AFF3: variants seen among roughly 807,000 people sequenced by gnomAD.
AFF3 encodes the protein ALF transcription elongation factor 3.
Under a neutral mutation model 129.7 loss-of-function variants are expected in AFF3, and 32 were observed. The observed-to-expected ratio is 0.25, with a 90% CI of 0.19 to 0.33. The LOEUF (loss-of-function observed/expected upper bound fraction) is 0.33. Among genes scored for constraint, AFF3 ranks in the 10% least tolerant of loss-of-function variants. The probability of loss-of-function intolerance (pLI) is 1.00; values close to 1 mark genes in which losing one functional copy is unlikely to be tolerated. For synonymous variants in AFF3, 644 were observed against 635.4 expected, an observed-to-expected ratio of 1.01 and a Z score of -0.20; for missense variants, 1,373 against 1,592.0, an observed-to-expected ratio of 0.86 and a Z score of 2.34.
intron 8 of AFF3, among the ~76,000 whole-genome samples, chr2:99,787,097 T>A (rs1684852142): frequency 1.3e-5 from 2 of 151,986 alleles, no homozygotes; most frequent in African/African-American, 2.4e-5. Context: ...TAAAAACATA[T>A]AAAAGAGCAG....
chr2:99,658,003 A>T (rs1053308472), intron 12 of AFF3, among the ~76,000 whole-genome samples: 3 of 152,212 alleles, frequency 2.0e-5, no homozygotes, highest in African/African-American at 7.2e-5. Flanking sequence ...CTCCCTAGAG[A>T]TAAACCCACG....
At chr2:99,757,188 A>G (rs1369206859) in intron 8 of AFF3, among the ~76,000 whole-genome samples, 1 of 152,130 alleles carries the variant, frequency 6.6e-6, no homozygotes, top group East Asian at 1.9e-4. Flanking sequence ...GTGGCTTTAA[A>G]AACCATGTGG....
intron 2 of AFF3, chr2:100,106,285 T>A: frequency 8.5e-7 from 1 of 1,176,882 alleles, no homozygotes; most frequent in South Asian, 1.6e-5. Context: ...TACAAGCTGA[T>A]AACTCTCAGC....
Position 99,744,147 on chromosome 2 carries a change from G to GAACAAGA in AFF3, c.1003-14_1003-8dup. ...AGGATACAAGCTGAGAGTCCTGAAAGAACAAGAAATATCAATTAATTTTCT... is the reference window on the plus strand; with the variant it reads ...AGGATACAAGCTGAGAGTCCTGAAAGAACAAGAAACAAGAAATATCAATTAATTTTCT... On this transcript the variant is annotated splice_region_variant and splice_polypyrimidine_tract_variant and intron_variant, in intron 9 of 24. Transcript: ENST00000672756. 1 of 1,600,820 alleles carries GAACAAGA rather than the reference G, an allele frequency of 6.2e-7. No homozygotes were observed.
At chr2:99,637,964 A>G (rs1683821651) in intron 13 of AFF3, among the ~76,000 whole-genome samples, 1 of 152,206 alleles carries the variant, frequency 6.6e-6, no homozygotes, top group African/African-American at 2.4e-5. Flanking sequence ...AGTAAAAATA[A>G]TTTATAGCTT....
In AFF3 at chr2:99,547,045, C is replaced by T; in HGVS notation, c.*4429G>A. 1 of 219,456 alleles carries T rather than the reference C, an allele frequency of 4.6e-6. No individual in the cohort carries two copies. Among genetic ancestry groups the T allele is most frequent in the Non-Finnish European group, 9.1e-6 (1 of 109,484 alleles). 13.6% of individuals were successfully genotyped at this position (219,456 alleles called of 1,614,324 possible). ...TATAGTTATAATGAAGAAAAACATA[C>T]TTCTTTTCCATGAAAAATGTCAGAC... On this transcript the variant is annotated 3_prime_UTR_variant, in exon 25 of 25. Coordinates refer to ENST00000672756, the MANE Select transcript of AFF3 (RefSeq NM_001386135.1).
intron 2 of AFF3, among the ~76,000 whole-genome samples, chr2:100,125,754 A>C (rs1692158076): frequency 6.6e-6 from 1 of 151,880 alleles, no homozygotes; most frequent in Non-Finnish European, 1.5e-5. Flanking sequence ...GAAGGAGAGG[A>C]GGTGTTCCCA....
chr2:99,656,869 C>T (rs897590371), intron 12 of AFF3, among the ~76,000 whole-genome samples: 2 of 152,088 alleles, frequency 1.3e-5, no homozygotes, highest in East Asian at 1.9e-4. Context: ...GCATTTTGTT[C>T]GGTCAACTTT....
chr2:99,966,498 G>A (rs1317914180), intron 7 of AFF3, among the ~76,000 whole-genome samples: 2 of 151,016 alleles, frequency 1.3e-5, no homozygotes, highest in African/African-American at 4.9e-5. Flanking sequence ...AGACCATCCC[G>A]GCTAAAACGG....
intron 11 of AFF3, among the ~76,000 whole-genome samples, chr2:99,676,806 T>C (rs542693117): frequency 6.6e-6 from 1 of 152,334 alleles, no homozygotes; most frequent in South Asian, 2.1e-4. Context: ...TCAGCTGGTC[T>C]GAGTGGCTTT....
In AFF3 at chr2:100,026,125, G is replaced by T. The variant is rs567603658; in HGVS notation, c.54-17193C>A. On this transcript the variant is annotated intron_variant, in intron 4 of 24. Coordinates refer to ENST00000672756, the MANE Select transcript of AFF3 (RefSeq NM_001386135.1). ...CAGTAAACAGACAACCCACAGAGTGGGAGAAAATCTTCACAGTCTATACAT... is the reference window on the plus strand; with the variant it reads ...CAGTAAACAGACAACCCACAGAGTGTGAGAAAATCTTCACAGTCTATACAT... Among the ~76,000 whole-genome samples, 56 of 152,110 alleles carry T rather than the reference G, an allele frequency of 3.7e-4. No homozygotes were observed. In the South Asian group the frequency reaches 4.4e-3, roughly 12 times the overall value.
intron 4 of AFF3, among the ~76,000 whole-genome samples, chr2:100,016,967 G>T (rs566360142): frequency 2.0e-5 from 3 of 151,682 alleles, no homozygotes; most frequent in South Asian, 4.2e-4. Flanking sequence ...GGTGATGATG[G>T]TGGTAGTGGT....
intron 1 of AFF3, among the ~76,000 whole-genome samples, chr2:100,131,665 G>T (rs1424377814): frequency 1.8e-4 from 27 of 152,082 alleles, no homozygotes; most frequent in Non-Finnish European, 5.9e-5. Context: ...TCACCATGTT[G>T]GGTAGGCTGG....
intron 11 of AFF3, among the ~76,000 whole-genome samples, chr2:99,687,123 G>A (rs1675138485): frequency 6.6e-6 from 1 of 152,168 alleles, no homozygotes; most frequent in Non-Finnish European, 1.5e-5. Context: ...AGTGCAATGA[G>A]TATGTAACAT....
chr2:99,622,936 A>G (rs1278863816), intron 13 of AFF3, among the ~76,000 whole-genome samples: 3 of 152,192 alleles, frequency 2.0e-5, no homozygotes, highest in Non-Finnish European at 4.4e-5. Context: ...TTTGATCAGA[A>G]TGACTCTGCT....
intron 9 of AFF3, among the ~76,000 whole-genome samples, chr2:99,751,067 A>C (rs1681607874): frequency 6.6e-6 from 1 of 152,216 alleles, no homozygotes; most frequent in Non-Finnish European, 1.5e-5. Flanking sequence ...TCACCTTAGA[A>C]AGCGGTGATA....
At chr2:100,000,638 T>A (rs1298379272) in intron 7 of AFF3, among the ~76,000 whole-genome samples, 2 of 152,198 alleles carry the variant, frequency 1.3e-5, no homozygotes, top group Non-Finnish European at 2.9e-5. Context: ...ATTTGCCAAA[T>A]GCTTAGTATA....
chr2:99,818,734 T>C (rs1335630679), intron 8 of AFF3, among the ~76,000 whole-genome samples: 1 of 152,240 alleles, frequency 6.6e-6, no homozygotes, highest in Non-Finnish European at 1.5e-5. Context: ...TTAGCAGGTA[T>C]ACATGATCTA....
chr2:99,806,363 T>C (rs577801633), intron 8 of AFF3, among the ~76,000 whole-genome samples: 2 of 152,310 alleles, frequency 1.3e-5, no homozygotes, highest in Admixed American at 6.5e-5. Context: ...CCTGCTCTCA[T>C]GGAATTCATG....
Sources: allele counts gnomAD v4.1 joint callset (sites outside exome capture counted in the v4.1 genomes callset), GRCh38; gene constraint gnomAD v4.1.1; transcripts MANE v1.5; gene names NCBI Gene and HGNC (gene_info 2026-07-23, HGNC 2026-07-21).